COL4A2: variants seen among roughly 807,000 people sequenced by gnomAD.
COL4A2 encodes collagen type IV alpha 2 chain.
In COL4A2, 99 loss-of-function variants were observed where a neutral mutation model predicts 200.2. The observed-to-expected ratio is 0.49, with a 90% CI of 0.42 to 0.58. The LOEUF is 0.58. Ranked by LOEUF, COL4A2 falls within the 20% of genes least tolerant of loss-of-function variation. COL4A2 has a pLI of 0.00. For missense variants in COL4A2, 1,950 were observed against 2,314.1 expected (o/e 0.84, Z 3.23); for synonymous variants, 897 against 900.6 (o/e 1.00, Z 0.07).
intron 27 of COL4A2, 83 bp downstream of exon 27, chr13:110,467,179 TC>T: frequency 6.4e-7 from 1 of 1,567,292 alleles, no homozygotes; most frequent in Non-Finnish European, 8.7e-7. Flanking sequence ...CCATCTTTCC[TC>T]TGGTCCTGCA....
intron 3 of COL4A2, among the ~76,000 whole-genome samples, chr13:110,329,342 A>G (rs935695315): frequency 3.9e-5 from 6 of 152,218 alleles, no homozygotes; most frequent in African/African-American, 1.4e-4. Context: ...TCAACGCTTT[A>G]AGAAAAAACA....
At chr13:110,361,395 C>T (rs920907468) in intron 4 of COL4A2, among the ~76,000 whole-genome samples, 3 of 152,130 alleles carry the variant, frequency 2.0e-5, no homozygotes, top group African/African-American at 7.2e-5. Context: ...CCACAGCTTC[C>T]CCTGGGGTGG....
intron 4 of COL4A2, among the ~76,000 whole-genome samples, chr13:110,402,773 C>T (rs999888853): frequency 3.3e-5 from 5 of 152,262 alleles, no homozygotes; most frequent in African/African-American, 1.2e-4. Flanking sequence ...TGGCCCTGCT[C>T]CTGTGTCAGG....
chr13:110,360,965 A>G (rs1390079532), intron 4 of COL4A2, among the ~76,000 whole-genome samples: 7 of 152,366 alleles, frequency 4.6e-5, no homozygotes, highest in African/African-American at 1.7e-4. Flanking sequence ...GGAGTGTGTT[A>G]ACAATCAGCA....
At chr13:110,501,132 T>C (rs9555715) in intron 40 of COL4A2, among the ~76,000 whole-genome samples, 16,153 of 152,242 alleles carry the variant, frequency 0.11, 1,173 homozygotes, top group East Asian at 0.32. Context: ...TGAGTTTTAG[T>C]GAGTGGACAA....
intron 4 of COL4A2, among the ~76,000 whole-genome samples, chr13:110,375,408 G>A (rs188769621): frequency 1.6e-3 from 239 of 152,290 alleles, no homozygotes; most frequent in Non-Finnish European, 2.7e-3. Context: ...ACAGTCATCC[G>A]CAAAATGACA....
chr13:110,345,942 A>G (rs936380713), intron 3 of COL4A2, among the ~76,000 whole-genome samples: 2 of 152,190 alleles, frequency 1.3e-5, no homozygotes, highest in Non-Finnish European at 2.9e-5. Context: ...GAATAGTGCC[A>G]GCTGTGTGTC....
At chr13:110,419,741 A>T (rs375108187) in intron 4 of COL4A2, among the ~76,000 whole-genome samples, 2 of 152,218 alleles carry the variant, frequency 1.3e-5, no homozygotes, top group East Asian at 1.9e-4. Flanking sequence ...GACTTCAGAG[A>T]GGGAAAACAA....
chr13:110,431,956 G>T (rs1880696367), intron 10 of COL4A2, among the ~76,000 whole-genome samples: 1 of 152,234 alleles, frequency 6.6e-6, no homozygotes. Context: ...AAGAAGTCCT[G>T]CATGGAGTCT....
At chr13:110,369,410 T>A (rs930994984) in intron 4 of COL4A2, among the ~76,000 whole-genome samples, 9 of 152,126 alleles carry the variant, frequency 5.9e-5, no homozygotes, top group African/African-American at 1.9e-4. Flanking sequence ...AACCAGTAAG[T>A]ATGTGCAGAT....
Position 110,503,202 on chromosome 13 carries a change from G to A in COL4A2, c.3959G>A (p.Gly1320Glu), listed in dbSNP as rs377710650. The change falls in exon 42 of 48, where the codon GGA (glycine) becomes GAA (glutamate). Residue 1320 changes from glycine to glutamate, a missense_variant. Transcript: ENST00000360467. ...KGDTGNPGAP[G>E]TPGTKGWAGD... ...GACACAGGGAACCCAGGAGCTCCAG[G>A]AACCCCAGGGACCAAAGGATGGGCC... 1.2e-6 allele frequency: 2 copies of A among 1,613,882 alleles called. No individual in the cohort carries two copies. The highest frequency in any genetic ancestry group is 1.1e-5 in the South Asian group (1 of 91,092).
intron 3 of COL4A2, among the ~76,000 whole-genome samples, chr13:110,314,796 G>T (rs1397607247): frequency 6.6e-6 from 1 of 152,194 alleles, no homozygotes; most frequent in Admixed American, 6.5e-5. Flanking sequence ...GCACAGAATG[G>T]GAGCCCCCTT....
chr13:110,333,698 G>A (rs1290083402), intron 3 of COL4A2, among the ~76,000 whole-genome samples: 2 of 152,182 alleles, frequency 1.3e-5, no homozygotes, highest in East Asian at 1.9e-4. Context: ...TTCATATCGG[G>A]ACACAGCCAC....
intron 28 of COL4A2, among the ~76,000 whole-genome samples, chr13:110,471,282 T>G (rs1367769742): frequency 6.6e-6 from 1 of 152,186 alleles, no homozygotes; most frequent in Non-Finnish European, 1.5e-5. Flanking sequence ...ATCAGGTGAT[T>G]TGGACAGTTG....
intron 20 of COL4A2, chr13:110,456,299 G>T (rs972055581): frequency 4.7e-5 from 10 of 213,482 alleles, no homozygotes; most frequent in African/African-American, 1.9e-4. Context: ...CTAACTCCGT[G>T]TGTGTGCATG....
chr13:110,501,709 C>G lies in COL4A2; in HGVS notation c.3802C>G (p.Pro1268Ala). 1 of 1,613,794 alleles carries G rather than the reference C, an allele frequency of 6.2e-7. No individual in the cohort carries two copies. Reference protein sequence around the residue: ...PPGSPGLQGFPGITPPSNISG... With the variant: ...PPGSPGLQGFAGITPPSNISG... ...TGGGAGCCCAGGACTTCAGGGGTTC[C>G]CTGGTATCACACCCCCTTCCAACAT... Residue 1268 changes from proline to alanine, a missense_variant, in exon 41 of 48, where the codon CCT becomes GCT. By Grantham distance (27) the Pro-to-Ala change is conservative. This residue lies in a region of COL4A2 where 1,385 missense variants were observed against 1,720.5 expected (regional missense o/e 0.80). Coordinates refer to ENST00000360467, the MANE Select transcript of COL4A2 (RefSeq NM_001846.4).
chr13:110,357,992 C>T lies in COL4A2; in HGVS notation c.180+440C>T, dbSNP rs561083308. 7.2e-5 allele frequency among the ~76,000 whole-genome samples: 11 copies of T among 152,204 alleles called. No homozygotes were observed. The East Asian group carries it at 1.4e-3, about 19-fold the overall frequency. The stretch of plus-strand genomic sequence containing the variant: ...AGATCCATCAACACTGGGTCTTAGG[C>T]GGCCCTAAACTTACGTTTTCAATAT... On this transcript the variant is annotated intron_variant, in intron 4 of 47. Transcript: ENST00000360467.
chr13:110,449,305 G>A (rs866845379), intron 18 of COL4A2, among the ~76,000 whole-genome samples: 12 of 146,430 alleles, frequency 8.2e-5, no homozygotes, highest in Non-Finnish European at 1.4e-4. Flanking sequence ...ATTTTGTTAT[G>A]CATCCAGCAG....
chr13:110,465,484 GC>G lies in COL4A2; in HGVS notation c.1862del (p.Pro621GlnfsTer39). On this transcript the variant is annotated frameshift_variant, in exon 25 of 48. Transcript: ENST00000360467. LOFTEE classifies it high-confidence loss of function. The part of the protein sequence containing the change: ...PGTKGTPGEM[G>X]PPGLGLPGLK... ...ACGAAGGGTACTCCAGGAGAAATGG[GC>G]CCCCCAGGACTGGGCCTTCCCGGCC... The G allele has an allele frequency of 6.2e-7, 1 of 1,613,948 alleles. No individual in the cohort carries two copies. Among genetic ancestry groups the G allele is most frequent in the Non-Finnish European group, 8.5e-7 (1 of 1,179,990 alleles).
Sources: gnomAD v4.1 joint callset for allele counts (sites outside exome capture counted in the v4.1 genomes callset) on GRCh38, gnomAD v4.1.1 for gene constraint, gnomAD v4.1.1 regional missense constraint, MANE v1.5 for transcripts, NCBI Gene and HGNC (gene_info 2026-07-23, HGNC 2026-07-21) for gene names.